DLGAP2: variants seen among roughly 807,000 people sequenced by gnomAD.
DLGAP2 encodes the protein disks large-associated protein 2.
Under a neutral mutation model 100.3 loss-of-function variants are expected in DLGAP2, and 26 were observed. That is an observed-to-expected ratio of 0.26 (90% CI 0.19 to 0.36). DLGAP2 has a LOEUF of 0.36. DLGAP2 is among the 10% of genes least tolerant of loss of function. The pLI, the probability that DLGAP2 is intolerant of heterozygous loss-of-function variation, is 1.00. For missense variants in DLGAP2, 1,858 were observed against 1,453.2 expected, an observed-to-expected ratio of 1.28 and a Z score of -4.53; for synonymous variants, 886 against 630.1, an observed-to-expected ratio of 1.41 and a Z score of -6.08.
intron 2 of DLGAP2, among the ~76,000 whole-genome samples, chr8:1,075,975 G>C (rs1803594834): frequency 6.6e-6 from 1 of 152,090 alleles, no homozygotes; most frequent in African/African-American, 2.4e-5. Flanking sequence ...GTTCTTAATA[G>C]TTATTCTATG....
At chr8:1,042,178 G>T (rs977312377) in intron 2 of DLGAP2, among the ~76,000 whole-genome samples, 1 of 152,190 alleles carries the variant, frequency 6.6e-6, no homozygotes, top group Non-Finnish European at 1.5e-5. Flanking sequence ...CCTCACACCT[G>T]AGTGATGCCT....
intron 3 of DLGAP2, among the ~76,000 whole-genome samples, chr8:1,442,762 C>T (rs62485586): frequency 0.073 from 10,757 of 147,132 alleles, 418 homozygotes; most frequent in East Asian, 0.18. Flanking sequence ...CTGGAGGAGA[C>T]GGATCCGGGC....
Position 1,390,534 on chromosome 8 carries a change from A to G in DLGAP2, c.107-110832A>G, listed in dbSNP as rs367898835. On this transcript the variant is annotated intron_variant, in intron 3 of 14. Transcript: ENST00000637795. ...ACTGCACTGCAATTAGAAAATGACA[A>G]TCTGTCGAGCTGTGTGCTCCTGTAT... Among the ~76,000 whole-genome samples the G allele has an allele frequency of 1.5e-3, 227 of 152,168 alleles. 1 individual carries two copies. Among genetic ancestry groups the G allele is most frequent in the South Asian group, 1.5e-3 (7 of 4,810 alleles).
At chr8:761,473 A>T (rs963628616) in intron 1 of DLGAP2, among the ~76,000 whole-genome samples, 1 of 152,170 alleles carries the variant, frequency 6.6e-6, no homozygotes, top group Non-Finnish European at 1.5e-5. Flanking sequence ...CTTCTGTAAG[A>T]TTGTAGTTTT....
intron 3 of DLGAP2, among the ~76,000 whole-genome samples, chr8:1,408,380 C>A (rs1324650673): frequency 6.6e-6 from 1 of 152,186 alleles, no homozygotes; most frequent in African/African-American, 2.4e-5. Flanking sequence ...AAATCAGTTC[C>A]AGGCCCCAGC....
At chr8:1,199,691 G>A (rs1221170793) in intron 2 of DLGAP2, among the ~76,000 whole-genome samples, 1 of 152,146 alleles carries the variant, frequency 6.6e-6, no homozygotes, top group East Asian at 1.9e-4. Context: ...AGAGTCTTAT[G>A]GGTATTTGCA....
intron 4 of DLGAP2, among the ~76,000 whole-genome samples, chr8:1,541,207 C>G (rs1028555533): frequency 6.6e-5 from 10 of 152,230 alleles, no homozygotes; most frequent in African/African-American, 2.4e-4. Flanking sequence ...CACACTTCCT[C>G]TTTGTGTTTA....
chr8:1,058,159 G>A (rs961879674), intron 2 of DLGAP2, among the ~76,000 whole-genome samples: 1 of 151,748 alleles, frequency 6.6e-6, no homozygotes, highest in African/African-American at 2.4e-5. Context: ...GACTAGCGGC[G>A]GGTCTGGGGG....
chr8:1,097,638 G>T (rs1417197127), intron 2 of DLGAP2, among the ~76,000 whole-genome samples: 7 of 135,162 alleles, frequency 5.2e-5, no homozygotes, highest in African/African-American at 1.5e-4. Context: ...CTCTGCTCAG[G>T]AGAGTCGAGC....
chr8:783,020 A>T (rs1301375433), intron 1 of DLGAP2, among the ~76,000 whole-genome samples: 3 of 152,208 alleles, frequency 2.0e-5, no homozygotes, highest in Admixed American at 6.5e-5. Flanking sequence ...TGACCGCATG[A>T]CCGCATGATA....
intron 3 of DLGAP2, among the ~76,000 whole-genome samples, chr8:1,416,985 C>CA (rs1463033294): frequency 1.3e-5 from 2 of 151,746 alleles, no homozygotes; most frequent in Admixed American, 6.6e-5. Flanking sequence ...CATTGAGACT[C>CA]AGAGTCCAGG....
At chr8:1,591,110 C>G (rs1387161801) in intron 6 of DLGAP2, among the ~76,000 whole-genome samples, 1 of 152,224 alleles carries the variant, frequency 6.6e-6, no homozygotes, top group African/African-American at 2.4e-5. Flanking sequence ...CACTCAATCT[C>G]AGGTGCAGCC....
At chr8:740,063 T>C (rs1292447935) in intron 1 of DLGAP2, 1 of 152,226 alleles carries the variant, frequency 6.6e-6, no homozygotes, top group African/African-American at 2.4e-5. Flanking sequence ...ATCGCCCGTG[T>C]TCTTGGGTAA....
intron 6 of DLGAP2, among the ~76,000 whole-genome samples, chr8:1,582,034 C>A (rs1250714460): frequency 7.2e-6 from 1 of 138,138 alleles, no homozygotes; most frequent in Non-Finnish European, 1.5e-5. Flanking sequence ...ACCCCACACA[C>A]GTCTACACAC....
Position 1,119,158 on chromosome 8 carries a change from A to G in DLGAP2, c.74-139693A>G, listed in dbSNP as rs979014814. On this transcript the variant is annotated intron_variant, in intron 2 of 14. Coordinates refer to ENST00000637795, the MANE Select transcript of DLGAP2 (RefSeq NM_001346810.2). ...TGCAGTTTGGCCCATATTATTTTGC[A>G]CTGAGATGGCATAAATGCCACATCC... 2.0e-4 allele frequency among the ~76,000 whole-genome samples: 31 copies of G among 152,242 alleles called. 1 individual carries two copies. The highest frequency in any genetic ancestry group is 7.2e-4 in the African/African-American group (30 of 41,462).
chr8:1,150,631 C>G (rs1796682030), intron 2 of DLGAP2, among the ~76,000 whole-genome samples: 1 of 152,132 alleles, frequency 6.6e-6, no homozygotes, highest in Non-Finnish European at 1.5e-5. Context: ...GTGTCCATGC[C>G]CTGTTGACAG....
At chr8:1,045,721 AGG>A (rs1491224417) in intron 2 of DLGAP2, among the ~76,000 whole-genome samples, 1 of 152,150 alleles carries the variant, frequency 6.6e-6, no homozygotes, top group Admixed American at 6.5e-5. Context: ...TTTTAGGGAC[AGG>A]TGTGTGTGTG....
chr8:1,017,770 A>T (rs1033501990), intron 2 of DLGAP2, among the ~76,000 whole-genome samples: 4 of 152,064 alleles, frequency 2.6e-5, no homozygotes, highest in Admixed American at 6.5e-5. Flanking sequence ...GGGCGGGTAG[A>T]CTCGTCTGAG....
chr8:1,520,352 C>T (rs1039604708), intron 4 of DLGAP2, among the ~76,000 whole-genome samples: 3 of 152,162 alleles, frequency 2.0e-5, no homozygotes, highest in Non-Finnish European at 4.4e-5. Flanking sequence ...AGGTTCACTC[C>T]GAGTGGTTTC....
Sources: gnomAD v4.1 joint callset for allele counts (sites outside exome capture counted in the v4.1 genomes callset) on GRCh38, gnomAD v4.1.1 for gene constraint, MANE v1.5 for transcripts, NCBI Gene and HGNC (gene_info 2026-07-23, HGNC 2026-07-21) for gene names.